Variants in EDARADD observed in about 807,000 individuals in gnomAD.
The protein encoded by EDARADD is ectodysplasin-A receptor-associated adapter protein.
A neutral mutation model predicts 25.6 loss-of-function variants in EDARADD; 20 were observed. The ratio of observed to expected loss-of-function variants is 0.78; its 90% CI spans 0.55 to 1.14. The LOEUF is 1.14. Ranked by LOEUF, EDARADD falls within the 50% of genes most tolerant of loss-of-function variation. The probability of loss-of-function intolerance (pLI) is 0.00; values close to 1 mark genes in which losing one functional copy is unlikely to be tolerated. For synonymous variants in EDARADD, 86 were observed against 94.4 expected (o/e 0.91, Z 0.52); for missense variants, 225 against 270.1 (o/e 0.83, Z 1.17).
At chr1:236,359,014 T>C (rs1282064127) in intron 3 of EDARADD, among the ~76,000 whole-genome samples, 1 of 152,214 alleles carries the variant, frequency 6.6e-6, no homozygotes, top group African/African-American at 2.4e-5. Context: ...CTAAGTCTCT[T>C]TGTAGGTCTC....
intron 4 of EDARADD, among the ~76,000 whole-genome samples, chr1:236,445,836 G>A (rs982156114): frequency 2.6e-5 from 4 of 152,146 alleles, no homozygotes; most frequent in Admixed American, 2.0e-4. Flanking sequence ...AAGAACGAAG[G>A]TGGGAGCCCA....
chr1:236,375,935 CT>C (rs35653732), intron 3 of EDARADD, among the ~76,000 whole-genome samples: 41,296 of 120,102 alleles, frequency 0.34, 6,298 homozygotes, highest in East Asian at 0.72. Context: ...TTACCTGCAC[CT>C]TTTTTTTTTT....
chr1:236,462,947 A>G (rs1432558184), intron 4 of EDARADD, among the ~76,000 whole-genome samples: 1 of 152,252 alleles, frequency 6.6e-6, no homozygotes, highest in Non-Finnish European at 1.5e-5. Context: ...AATTAAATAA[A>G]TGAGAAGTTC....
chr1:236,483,865 C>G lies in EDARADD; in HGVS notation c.*1216C>G. 1 of 1,395,362 alleles carries G rather than the reference C, an allele frequency of 7.2e-7. No individual in the cohort carries two copies. Among genetic ancestry groups the G allele is most frequent in the Non-Finnish European group, 1.0e-6 (1 of 983,142 alleles). 86.4% of individuals were successfully genotyped at this position (1,395,362 alleles called of 1,614,324 possible). A position where few individuals can be genotyped will look rare whatever the true frequency, so the allele number is the denominator to read the frequency against. ...CTGCTGAAGACTGCGATTGGGAAAG[C>G]TGGCTACACTGATAAGGTGATCGTC... On this transcript the variant is annotated 3_prime_UTR_variant, in exon 6 of 6. Transcript: ENST00000334232.
At chr1:236,473,747 T>A (rs1484616727) in intron 5 of EDARADD, among the ~76,000 whole-genome samples, 2 of 151,612 alleles carry the variant, frequency 1.3e-5, no homozygotes. Context: ...ATTGTGCCAC[T>A]GTACTCTAGC....
At position 236,395,701 on chromosome 1, in the gene EDARADD, C is replaced by T. The variant is rs1158158554; in HGVS notation, c.61+1196C>T. On this transcript the variant is annotated intron_variant, in intron 1 of 5. Coordinates refer to ENST00000334232, the MANE Select transcript of EDARADD (RefSeq NM_145861.4). The surrounding 1 kb of genome is among the most constrained non-coding windows in gnomAD (Gnocchi z 6.9). ...GCCGCGCCCGCTCCTGGAGCGAGCA[C>T]CGCGGGGCGGGAGCTCGGGAGGCGC... is the stretch of plus-strand genomic sequence containing the variant. 2 of 1,537,196 alleles carry T rather than the reference C, an allele frequency of 1.3e-6. No homozygotes were observed. Among genetic ancestry groups the T allele is most frequent in the African/African-American group, 1.4e-5 (1 of 71,490 alleles).
At chr1:236,407,535 T>C (rs930158524) in intron 1 of EDARADD, among the ~76,000 whole-genome samples, 3 of 141,132 alleles carry the variant, frequency 2.1e-5, no homozygotes, top group African/African-American at 9.3e-5. Context: ...CAAATTATTA[T>C]CTTGACAAAT....
chr1:236,421,608 C>T (rs1248579865), intron 3 of EDARADD, among the ~76,000 whole-genome samples: 2 of 151,112 alleles, frequency 1.3e-5, no homozygotes, highest in Non-Finnish European at 2.9e-5. Context: ...AGCCATTCTC[C>T]TGCCGCAGCC....
At chr1:236,364,769 T>C (rs189264664) in intron 3 of EDARADD, among the ~76,000 whole-genome samples, 1 of 152,212 alleles carries the variant, frequency 6.6e-6, no homozygotes, top group Non-Finnish European at 1.5e-5. Flanking sequence ...AACTCACTTA[T>C]TAGTTCTAAT....
Position 236,381,801 on chromosome 1 carries a change from CTTTTTTTTTTTT to C in EDARADD, c.-5-27402_-5-27391del, listed in dbSNP as rs71559949. On this transcript the variant is annotated intron_variant, in intron 3 of 7. Coordinates refer to the EDARADD transcript ENST00000439430. ...CTTTTTTTTTTTCTTCCTGTGGTTG[CTTTTTTTTTTTT>C]TTTTTTTTTTTTCAGAGTTGGATGG... Among the ~76,000 whole-genome samples the C allele has an allele frequency of 4.3e-3, 181 of 42,086 alleles. 1 individual carries two copies. Among genetic ancestry groups the C allele is most frequent in the African/African-American group, 0.018 (173 of 9,512 alleles). 27.6% of individuals were successfully genotyped at this position (42,086 alleles called of 152,430 possible). A position where few individuals can be genotyped will look rare whatever the true frequency, so the allele number is the denominator to read the frequency against.
chr1:236,428,589 C>G (rs115753885), intron 4 of EDARADD, among the ~76,000 whole-genome samples: 1 of 147,498 alleles, frequency 6.8e-6, no homozygotes, highest in Admixed American at 6.7e-5. Flanking sequence ...GGCTGCCGGG[C>G]AGAGGCGCTC....
chr1:236,432,136 A>C (rs1658113015), intron 4 of EDARADD, among the ~76,000 whole-genome samples: 2 of 152,256 alleles, frequency 1.3e-5, no homozygotes, highest in South Asian at 4.1e-4. Context: ...ATGGCAAATG[A>C]AGATAAAGCA....
rs528215126 is a variant in EDARADD, at chr1:236,454,222, G to GT, written c.220-14002dup. ...TACCACACCTGGCTAACTTTTTGTA[G>GT]TTTTTTTAGTAGAGACAGGGTTTCA... On this transcript the variant is annotated intron_variant, in intron 4 of 5. Coordinates refer to ENST00000334232, the MANE Select transcript of EDARADD (RefSeq NM_145861.4). Among the ~76,000 whole-genome samples the GT allele has an allele frequency of 4.6e-4, 70 of 152,128 alleles. No individual in the cohort carries two copies. The East Asian group carries it at 0.012, about 25-fold the overall frequency.
intron 4 of EDARADD, among the ~76,000 whole-genome samples, chr1:236,467,142 T>C (rs1659219047): frequency 6.6e-6 from 1 of 151,428 alleles, no homozygotes; most frequent in African/African-American, 2.4e-5. Context: ...GGTGAGACTC[T>C]CAGACCCGAG....
At chr1:236,435,505 C>A (rs992819249) in intron 4 of EDARADD, among the ~76,000 whole-genome samples, 1 of 152,178 alleles carries the variant, frequency 6.6e-6, no homozygotes, top group African/African-American at 2.4e-5. Context: ...CATCGCTTCA[C>A]ATGTCGAGGA....
chr1:236,465,122 G>T (rs1297143671), intron 4 of EDARADD, among the ~76,000 whole-genome samples: 2 of 152,132 alleles, frequency 1.3e-5, no homozygotes, highest in East Asian at 3.9e-4. Context: ...TTCTCTCCTA[G>T]AGGAGTGATG....
chr1:236,412,360 A>G (rs777057569), intron 2 of EDARADD, among the ~76,000 whole-genome samples: 1 of 152,034 alleles, frequency 6.6e-6, no homozygotes, highest in Non-Finnish European at 1.5e-5. Flanking sequence ...GAGAATTGTC[A>G]TTGCCTGCTT....
intron 3 of EDARADD, among the ~76,000 whole-genome samples, chr1:236,383,294 C>T (rs1400574751): frequency 1.3e-5 from 2 of 151,192 alleles, no homozygotes; most frequent in African/African-American, 4.9e-5. Flanking sequence ...ACTCGAGAGG[C>T]TGAGGCGAGA....
chr1:236,409,325 T>C (rs568769533), intron 2 of EDARADD, 51 bp downstream of exon 2: 2 of 1,452,812 alleles, frequency 1.4e-6, no homozygotes, highest in Admixed American at 1.7e-5. Context: ...TTGCTTTTTT[T>C]CTTTGTTATT....
Sources: allele counts gnomAD v4.1 joint callset (sites outside exome capture counted in the v4.1 genomes callset), GRCh38; gene constraint gnomAD v4.1.1; non-coding constraint Gnocchi (gnomAD v3.1); transcripts MANE v1.5; gene names NCBI Gene and HGNC (gene_info 2026-07-23, HGNC 2026-07-21).